Variants in GLI3 observed in about 807,000 individuals in gnomAD.
GLI3 encodes GLI family zinc finger 3.
Under a neutral mutation model 100.8 loss-of-function variants are expected in GLI3, and 20 were observed. That is an observed-to-expected ratio of 0.20 (90% confidence interval 0.14 to 0.29). The LOEUF (loss-of-function observed/expected upper bound fraction) is 0.29. Among genes scored for constraint, GLI3 ranks in the 10% least tolerant of loss-of-function variants. The pLI, the probability that GLI3 is intolerant of heterozygous loss-of-function variation, is 1.00. For synonymous variants in GLI3, 938 were observed against 860.5 expected, an observed-to-expected ratio of 1.09 and a Z score of -1.58; for missense variants, 2,040 against 2,128.5, an observed-to-expected ratio of 0.96 and a Z score of 0.82.
intron 10 of GLI3, among the ~76,000 whole-genome samples, chr7:41,994,599 A>G (rs138555004): frequency 2.3e-4 from 35 of 152,338 alleles, no homozygotes; most frequent in Middle Eastern, 6.8e-3. Flanking sequence ...CATTCTTCAC[A>G]TGGTGAAATC....
intron 2 of GLI3, among the ~76,000 whole-genome samples, chr7:42,205,331 G>A (rs932017554): frequency 6.6e-6 from 1 of 152,116 alleles, no homozygotes; most frequent in Non-Finnish European, 1.5e-5. Context: ...TAAAGTTAGG[G>A]TAACTTAAGG....
intron 1 of GLI3, among the ~76,000 whole-genome samples, chr7:42,253,471 T>G (rs1789054226): frequency 6.6e-6 from 1 of 152,206 alleles, no homozygotes; most frequent in Non-Finnish European, 1.5e-5. Flanking sequence ...GCTCCCAGCC[T>G]GAGGCTACCA....
intron 4 of GLI3, among the ~76,000 whole-genome samples, chr7:42,049,864 T>A (rs1784318503): frequency 6.6e-6 from 1 of 152,208 alleles, no homozygotes; most frequent in African/African-American, 2.4e-5. Flanking sequence ...GGGGAGGCCC[T>A]GATAGAGAGA....
intron 4 of GLI3, among the ~76,000 whole-genome samples, chr7:42,066,177 G>A (rs1784670973): frequency 6.6e-6 from 1 of 152,034 alleles, no homozygotes; most frequent in African/African-American, 2.4e-5. Context: ...AACAAAGAAG[G>A]GCCAATAGGC....
At chr7:42,056,438 T>C (rs1047558793) in intron 4 of GLI3, among the ~76,000 whole-genome samples, 1 of 152,012 alleles carries the variant, frequency 6.6e-6, no homozygotes, top group Admixed American at 6.6e-5. Context: ...TCATGAAAAA[T>C]ATGGACAATG....
At chr7:42,103,738 A>T (rs1785514856) in intron 3 of GLI3, among the ~76,000 whole-genome samples, 1 of 104,432 alleles carries the variant, frequency 9.6e-6, no homozygotes. Context: ...TAAATCACCT[A>T]TCCAAGAGCA....
chr7:42,131,222 T>G (rs1306299158), intron 3 of GLI3, among the ~76,000 whole-genome samples: 1 of 152,178 alleles, frequency 6.6e-6, no homozygotes, highest in South Asian at 2.1e-4. Flanking sequence ...TGTCTAGAGA[T>G]TCCTCGTTCA....
intron 2 of GLI3, among the ~76,000 whole-genome samples, chr7:42,195,276 T>C (rs1257207358): frequency 6.6e-6 from 1 of 152,214 alleles, no homozygotes; most frequent in Non-Finnish European, 1.5e-5. Flanking sequence ...GCCTTAAGGA[T>C]AAAATGAAAC....
chr7:42,073,483 T>G (rs1198050212), intron 4 of GLI3, among the ~76,000 whole-genome samples: 4 of 152,250 alleles, frequency 2.6e-5, no homozygotes, highest in Non-Finnish European at 5.9e-5. Context: ...GCAAATTAAG[T>G]GTCAAACAGC....
At chr7:42,126,632 A>G (rs1026399000) in intron 3 of GLI3, among the ~76,000 whole-genome samples, 25 of 152,244 alleles carry the variant, frequency 1.6e-4, no homozygotes, top group African/African-American at 6.0e-4. Context: ...CCTGGTAAGC[A>G]ATGAGTAAAG....
chr7:42,147,149 A>C (rs1218120925), intron 3 of GLI3, among the ~76,000 whole-genome samples: 1 of 152,162 alleles, frequency 6.6e-6, no homozygotes, highest in East Asian at 1.9e-4. Flanking sequence ...GCTGAGACTT[A>C]AGGTTATGCG....
chr7:42,228,141 G>C (rs1362264741), intron 1 of GLI3, among the ~76,000 whole-genome samples: 1 of 152,052 alleles, frequency 6.6e-6, no homozygotes, highest in Non-Finnish European at 1.5e-5. Context: ...GTCTGCAGCC[G>C]CGTCGCCGCA....
chr7:41,988,190 G>C (rs191883926), intron 10 of GLI3, among the ~76,000 whole-genome samples: 1 of 152,094 alleles, frequency 6.6e-6, no homozygotes, highest in Non-Finnish European at 1.5e-5. Flanking sequence ...GGCCAGGCAC[G>C]GTGGCTCACG....
intron 7 of GLI3, among the ~76,000 whole-genome samples, chr7:42,039,139 T>A (rs1213573800): frequency 6.6e-6 from 1 of 152,250 alleles, no homozygotes; most frequent in Admixed American, 6.5e-5. Context: ...GATTGCTAAA[T>A]TAATTAATTA....
intron 1 of GLI3, among the ~76,000 whole-genome samples, chr7:42,223,573 A>G (rs1237127850): frequency 6.6e-6 from 1 of 152,238 alleles, no homozygotes; most frequent in South Asian, 2.1e-4. Context: ...AAACGGTATA[A>G]AAATCTCAAT....
intron 9 of GLI3, among the ~76,000 whole-genome samples, 169 bp downstream of exon 9, chr7:42,025,095 C>T (rs1789070764): frequency 6.6e-6 from 1 of 152,234 alleles, no homozygotes; most frequent in Non-Finnish European, 1.5e-5. Context: ...TTTAGTCACT[C>T]CATATCTAGC....
chr7:42,029,425 G>A (rs186664556), intron 7 of GLI3, among the ~76,000 whole-genome samples: 2 of 152,260 alleles, frequency 1.3e-5, no homozygotes, highest in East Asian at 3.9e-4. Flanking sequence ...GTCAAGAGTC[G>A]CAGACAAAAT....
intron 3 of GLI3, among the ~76,000 whole-genome samples, chr7:42,109,846 C>G (rs886708577): frequency 2.6e-5 from 4 of 152,184 alleles, no homozygotes; most frequent in African/African-American, 9.7e-5. Flanking sequence ...GGCTTTTCCA[C>G]TTGCAAAAGA....
chr7:41,964,311 A>C lies in GLI3; in HGVS notation c.*19T>G, dbSNP rs555183743. 3.1e-6 allele frequency: 5 copies of C among 1,611,008 alleles called. 1 individual carries two copies. The African/African-American group carries it at 6.7e-5, about 21-fold the overall frequency. On this transcript the variant is annotated 3_prime_UTR_variant, in exon 15 of 15. Coordinates refer to ENST00000395925, the MANE Select transcript of GLI3 (RefSeq NM_000168.6). ...ACTCCTATTGATTTCCGTTGGTTGC[A>C]GTCTTTTTTTCCTAAAGCCTATTGC...
Sources: allele counts gnomAD v4.1 joint callset (sites outside exome capture counted in the v4.1 genomes callset), GRCh38; gene constraint gnomAD v4.1.1; transcripts MANE v1.5; gene names NCBI Gene and HGNC (gene_info 2026-07-23, HGNC 2026-07-21).